Variants in CTNNA2 observed in about 807,000 individuals in gnomAD.
The protein encoded by CTNNA2 is catenin alpha 2.
CTNNA2 carries 42 observed loss-of-function variants against 101.0 expected under a neutral mutation model. That is an observed-to-expected ratio of 0.42 (90% CI 0.32 to 0.54). The LOEUF (loss-of-function observed/expected upper bound fraction) is 0.54. Among genes scored for constraint, CTNNA2 ranks in the 20% least tolerant of loss-of-function variants. The pLI is 0.14. For missense variants in CTNNA2, 871 were observed against 1,223.1 expected, an observed-to-expected ratio of 0.71 and a Z score of 4.29; for synonymous variants, 450 against 456.4, an observed-to-expected ratio of 0.99 and a Z score of 0.18.
At chr2:80,047,295 C>T (rs150611401) in intron 7 of CTNNA2, among the ~76,000 whole-genome samples, 1 of 152,282 alleles carries the variant, frequency 6.6e-6, no homozygotes, top group African/African-American at 2.4e-5. Context: ...TCACACTTAC[C>T]ACATATCAAT....
chr2:80,035,563 A>G (rs1695595539), intron 7 of CTNNA2, among the ~76,000 whole-genome samples: 1 of 152,176 alleles, frequency 6.6e-6, no homozygotes, highest in African/African-American at 2.4e-5. Context: ...TGTACATTTA[A>G]AAATATATAT....
intron 3 of CTNNA2, among the ~76,000 whole-genome samples, chr2:79,757,495 T>C (rs1672476990): frequency 6.6e-6 from 1 of 152,194 alleles, no homozygotes; most frequent in East Asian, 1.9e-4. Flanking sequence ...AGTAAAACCA[T>C]TCTTGTGTTT....
chr2:79,266,825 C>T (rs1352443862), intron 2 of CTNNA2, among the ~76,000 whole-genome samples: 1 of 152,006 alleles, frequency 6.6e-6, no homozygotes, highest in East Asian at 1.9e-4. Context: ...AGGAAGAAAA[C>T]ATAGGCTTAG....
chr2:80,072,096 A>G (rs1698387220), intron 7 of CTNNA2, among the ~76,000 whole-genome samples: 1 of 152,146 alleles, frequency 6.6e-6, no homozygotes, highest in South Asian at 2.1e-4. Flanking sequence ...ACAAATTCTC[A>G]ATTAGAGAAA....
At chr2:79,341,118 C>T (rs1677127620) in intron 3 of CTNNA2, among the ~76,000 whole-genome samples, 1 of 152,034 alleles carries the variant, frequency 6.6e-6, no homozygotes, top group Non-Finnish European at 1.5e-5. Context: ...CTGAGGCTTA[C>T]ATTCATCACA....
Position 79,249,876 on chromosome 2 carries a change from C to T in CTNNA2, c.-406+51800C>T, listed in dbSNP as rs76663226. Among the ~76,000 whole-genome samples the T allele has an allele frequency of 1.9e-3, 285 of 152,242 alleles. 9 individuals carry two copies. The East Asian group carries it at 0.048, about 26-fold the overall frequency. Reference sequence around the variant, plus strand: ...GTCCCTGCTACCCCACTAACTTTTGCCATTACTTTGTTTTTAAAATTGGTG... The same window carrying T: ...GTCCCTGCTACCCCACTAACTTTTGTCATTACTTTGTTTTTAAAATTGGTG... On this transcript the variant is annotated intron_variant, in intron 2 of 21. Transcript: ENST00000466387.
chr2:79,387,921 T>C (rs113150765), intron 4 of CTNNA2, among the ~76,000 whole-genome samples: 5,114 of 152,222 alleles, frequency 0.034, 270 homozygotes, highest in African/African-American at 0.12. Context: ...TATAAGGAAC[T>C]AATATAACCA....
At chr2:79,381,231 C>T (rs1678035995) in intron 4 of CTNNA2, among the ~76,000 whole-genome samples, 1 of 152,134 alleles carries the variant, frequency 6.6e-6, no homozygotes, top group Admixed American at 6.6e-5. Flanking sequence ...ACCCACTCAG[C>T]TTCCTTAATT....
chr2:80,003,379 C>T (rs1217660196), intron 7 of CTNNA2, among the ~76,000 whole-genome samples: 1 of 152,146 alleles, frequency 6.6e-6, no homozygotes. Flanking sequence ...GACTTAACTG[C>T]CAACAGTATC....
At position 79,779,522 on chromosome 2, in the gene CTNNA2, T is replaced by C. The variant is rs573364759; in HGVS notation, c.298+34940T>C. Among the ~76,000 whole-genome samples the C allele has an allele frequency of 3.3e-5, 5 of 152,306 alleles. No individual in the cohort carries two copies. The South Asian group carries it at 8.3e-4, about 25-fold the overall frequency. ...TCATCCTTGTCCTACCCTTATTAAC[T>C]CTGACCTCTGTGCTTTTTACTTTTT... is the stretch of plus-strand genomic sequence containing the variant. On this transcript the variant is annotated intron_variant, in intron 3 of 18. Transcript: ENST00000402739.
intron 7 of CTNNA2, among the ~76,000 whole-genome samples, chr2:80,034,366 T>C (rs1420045266): frequency 6.7e-6 from 1 of 149,802 alleles, no homozygotes; most frequent in African/African-American, 2.5e-5. Flanking sequence ...TTTTTTTTTT[T>C]TTTTTGATAC....
chr2:79,494,401 A>T (rs1671234673), intron 4 of CTNNA2, among the ~76,000 whole-genome samples: 2 of 152,096 alleles, frequency 1.3e-5, no homozygotes, highest in Admixed American at 6.6e-5. Context: ...ACGTTTCTGG[A>T]TTTAAAAACA....
intron 3 of CTNNA2, among the ~76,000 whole-genome samples, chr2:79,776,536 C>T (rs539172278): frequency 6.6e-6 from 1 of 152,252 alleles, no homozygotes; most frequent in African/African-American, 2.4e-5. Context: ...TGGCAGAGAC[C>T]ATGAACTACT....
At chr2:79,945,121 C>T (rs1247099222) in intron 7 of CTNNA2, among the ~76,000 whole-genome samples, 2 of 152,206 alleles carry the variant, frequency 1.3e-5, no homozygotes, top group Non-Finnish European at 2.9e-5. Context: ...TGGCTCACTG[C>T]AGCTTTGACC....
At chr2:79,533,646 C>T (rs10520244) in intron 1 of CTNNA2, among the ~76,000 whole-genome samples, 11,726 of 152,094 alleles carry the variant, frequency 0.077, 627 homozygotes, top group Non-Finnish European at 0.11. Flanking sequence ...GCACATGTTC[C>T]TAATGGATTC....
chr2:79,426,554 T>A (rs1482327210), intron 4 of CTNNA2, among the ~76,000 whole-genome samples: 5 of 152,106 alleles, frequency 3.3e-5, no homozygotes, highest in Admixed American at 2.6e-4. Context: ...ATGGCACAGA[T>A]GACTAGGAAC....
At chr2:79,930,512 T>C (rs1482377599) in intron 7 of CTNNA2, among the ~76,000 whole-genome samples, 1 of 152,136 alleles carries the variant, frequency 6.6e-6, no homozygotes, top group Non-Finnish European at 1.5e-5. Flanking sequence ...ATGAAACTTT[T>C]GCGAAATAAG....
At position 80,495,007 on chromosome 2, in the gene CTNNA2, A is replaced by G. The variant is rs368045862; in HGVS notation, c.1291-49975A>G. ...AGAAATATTGTTCTCAATCTGCAGCATGAACTGTGGTGGCTCCTGGTTCTA... is the reference window on the plus strand; with the variant it reads ...AGAAATATTGTTCTCAATCTGCAGCGTGAACTGTGGTGGCTCCTGGTTCTA... On this transcript the variant is annotated intron_variant, in intron 9 of 18. Transcript: ENST00000402739. Among the ~76,000 whole-genome samples, 43 of 152,326 alleles carry G rather than the reference A, an allele frequency of 2.8e-4. No individual in the cohort carries two copies. The South Asian group carries it at 8.7e-3, about 31-fold the overall frequency.
chr2:80,251,870 C>A (rs529182423), intron 7 of CTNNA2, among the ~76,000 whole-genome samples: 1 of 152,186 alleles, frequency 6.6e-6, no homozygotes, highest in Admixed American at 6.5e-5. Flanking sequence ...AGAAAATTGC[C>A]TTCACATTTT....
Sources: gnomAD v4.1 joint callset for allele counts (sites outside exome capture counted in the v4.1 genomes callset) on GRCh38, gnomAD v4.1.1 for gene constraint, MANE v1.5 for transcripts, NCBI Gene and HGNC (gene_info 2026-07-23, HGNC 2026-07-21) for gene names.